Variants in TAX1BP1 observed in about 807,000 individuals in gnomAD.
The protein encoded by TAX1BP1 is Tax1 binding protein 1.
In TAX1BP1, 62 loss-of-function variants were observed where a neutral mutation model predicts 97.7. That is an observed-to-expected ratio of 0.63 (90% CI 0.52 to 0.78). The LOEUF is 0.78. Ranked by LOEUF, TAX1BP1 falls within the 30% of genes least tolerant of loss-of-function variation. The probability of loss-of-function intolerance (pLI) is 0.00; values close to 1 mark genes in which losing one functional copy is unlikely to be tolerated. For missense variants in TAX1BP1, 867 were observed against 916.1 expected, an observed-to-expected ratio of 0.95 and a Z score of 0.69; for synonymous variants, 340 against 304.2, an observed-to-expected ratio of 1.12 and a Z score of -1.23.
chr7:27,767,120 ATATCTT>A (rs1788675360), intron 4 of TAX1BP1, among the ~76,000 whole-genome samples: 1 of 152,132 alleles, frequency 6.6e-6, no homozygotes, highest in Non-Finnish European at 1.5e-5. Context: ...ACATTTTTCA[ATATCTT>A]TATCCTATAC....
rs1782594701 is a variant in TAX1BP1, at chr7:27,829,011, A to G, written c.*182A>G. ...ATCAGGGTCAGTCTTTGGCTTATCAATAAATTTTAATCTCTGTTAATCTTA... is the reference window on the plus strand; with the variant it reads ...ATCAGGGTCAGTCTTTGGCTTATCAGTAAATTTTAATCTCTGTTAATCTTA... On this transcript the variant is annotated 3_prime_UTR_variant, in exon 17 of 17. Coordinates refer to ENST00000396319, the MANE Select transcript of TAX1BP1 (RefSeq NM_006024.7). 1.7e-5 allele frequency: 8 copies of G among 484,330 alleles called. No homozygotes were observed. Among genetic ancestry groups the G allele is most frequent in the Non-Finnish European group, 1.8e-5 (5 of 278,786 alleles). The allele number at this position is 484,330 out of a possible 1,614,324, so 30.0% of individuals were successfully genotyped here. A position where few individuals can be genotyped will look rare whatever the true frequency, so the allele number is the denominator to read the frequency against.
chr7:27,769,715 T>A lies in TAX1BP1; in HGVS notation c.493T>A (p.Leu165Ile). Residue 165 changes from leucine (L) to isoleucine (I), a missense_variant, in exon 5 of 17, where the codon TTA becomes ATA. Transcript: ENST00000396319. ...AACCATGAAAGAAAAAGAAGAACTG[T>A]TAAAGTTAATTGCCGTTCTGGAAAA... Reference protein sequence around the residue: ...EKTMKEKEELLKLIAVLEKET... With the variant: ...EKTMKEKEELIKLIAVLEKET... 11 of 1,611,900 alleles carry A rather than the reference T, an allele frequency of 6.8e-6. No individual in the cohort carries two copies. Among genetic ancestry groups the A allele is most frequent in the Non-Finnish European group, 9.3e-6 (11 of 1,178,912 alleles).
intron 1 of TAX1BP1, among the ~76,000 whole-genome samples, chr7:27,745,492 G>T (rs1202373624): frequency 6.6e-6 from 1 of 152,132 alleles, no homozygotes; most frequent in Non-Finnish European, 1.5e-5. Flanking sequence ...TAAATGATTA[G>T]TAGCTATATT....
chr7:27,793,762 G>A (rs918932450), intron 10 of TAX1BP1, among the ~76,000 whole-genome samples: 4 of 152,304 alleles, frequency 2.6e-5, no homozygotes, highest in Middle Eastern at 6.8e-3. Flanking sequence ...ATGTTTCAAT[G>A]TGGGTCCTTA....
intron 3 of TAX1BP1, among the ~76,000 whole-genome samples, chr7:27,764,804 C>T (rs530755672): frequency 1.3e-5 from 2 of 151,484 alleles, no homozygotes; most frequent in Admixed American, 1.3e-4. Flanking sequence ...TCATTAATTT[C>T]TTCTGTGAAA....
intron 5 of TAX1BP1, among the ~76,000 whole-genome samples, chr7:27,770,120 A>AT (rs915398731): frequency 3.9e-5 from 6 of 151,920 alleles, no homozygotes; most frequent in Non-Finnish European, 7.4e-5. Flanking sequence ...AGAATACTTG[A>AT]TTTTTTTTGT....
intron 1 of TAX1BP1, among the ~76,000 whole-genome samples, chr7:27,741,436 T>C (rs1787595715): frequency 6.6e-6 from 1 of 152,238 alleles, no homozygotes; most frequent in Non-Finnish European, 1.5e-5. Flanking sequence ...GTTTTATTTA[T>C]TTTTCAAACT....
chr7:27,780,164 G>A (rs1789197374), intron 5 of TAX1BP1, among the ~76,000 whole-genome samples: 1 of 152,048 alleles, frequency 6.6e-6, no homozygotes, highest in South Asian at 2.1e-4. Flanking sequence ...ATGAGATCTG[G>A]AAGTTATCTT....
chr7:27,751,294 A>T (rs1159527364), intron 2 of TAX1BP1, among the ~76,000 whole-genome samples: 3 of 152,230 alleles, frequency 2.0e-5, no homozygotes, highest in Non-Finnish European at 4.4e-5. Context: ...TTCAGGTAAT[A>T]CAGGAAGGCT....
intron 13 of TAX1BP1, among the ~76,000 whole-genome samples, chr7:27,806,663 T>G (rs189904747): frequency 2.0e-5 from 3 of 152,300 alleles, no homozygotes; most frequent in Admixed American, 2.0e-4. Context: ...AACTTTGTAG[T>G]CTATTTTAAT....
chr7:27,744,456 A>T (rs1189744907), intron 1 of TAX1BP1, among the ~76,000 whole-genome samples: 1 of 152,256 alleles, frequency 6.6e-6, no homozygotes, highest in Non-Finnish European at 1.5e-5. Context: ...TAAAGACTAG[A>T]AAAACACAGA....
chr7:27,825,381 C>G (rs1791139624), intron 15 of TAX1BP1, among the ~76,000 whole-genome samples: 1 of 152,084 alleles, frequency 6.6e-6, no homozygotes. Context: ...GAAGATTTCA[C>G]TCATCATTTT....
Position 27,787,322 on chromosome 7 carries a change from G to A in TAX1BP1, c.853-96G>A, listed in dbSNP as rs540851735. The stretch of plus-strand genomic sequence containing the variant: ...GTCTAGTATGTCTTTCCTTCCTTTC[G>A]TTGTCTTTGGGTTAGAAATATAATG... On this transcript the variant is annotated intron_variant, in intron 7 of 16. Transcript: ENST00000396319. The A allele has an allele frequency of 2.9e-4, 333 of 1,140,492 alleles. 1 individual carries two copies. In the East Asian group the frequency reaches 7.2e-3, roughly 25 times the overall value. 70.6% of individuals were successfully genotyped at this position (1,140,492 alleles called of 1,614,324 possible). A position where few individuals can be genotyped will look rare whatever the true frequency, so the allele number is the denominator to read the frequency against.
chr7:27,827,181 G>T (rs952803301), intron 15 of TAX1BP1, among the ~76,000 whole-genome samples: 1 of 152,040 alleles, frequency 6.6e-6, no homozygotes, highest in Non-Finnish European at 1.5e-5. Context: ...GTGAAACCCT[G>T]TCTCTACTAA....
intron 13 of TAX1BP1, among the ~76,000 whole-genome samples, chr7:27,805,696 G>C (rs1200792581): frequency 6.6e-6 from 1 of 152,064 alleles, no homozygotes; most frequent in Admixed American, 6.6e-5. Flanking sequence ...AATTAGCCAG[G>C]CATGGTGGCT....
intron 5 of TAX1BP1, chr7:27,772,154 T>TG (rs1324068902): frequency 6.6e-6 from 1 of 150,800 alleles, no homozygotes; most frequent in Non-Finnish European, 1.5e-5. Context: ...GACTTTTAGT[T>TG]TTTTTTTTTT....
At chr7:27,751,349 C>G (rs1261200278) in intron 2 of TAX1BP1, among the ~76,000 whole-genome samples, 1 of 152,072 alleles carries the variant, frequency 6.6e-6, no homozygotes, top group African/African-American at 2.4e-5. Flanking sequence ...CTACTGTTAA[C>G]TATTGTTAAC....
At chr7:27,815,461 T>A (rs1205701770) in intron 13 of TAX1BP1, among the ~76,000 whole-genome samples, 1 of 152,170 alleles carries the variant, frequency 6.6e-6, no homozygotes, top group Non-Finnish European at 1.5e-5. Context: ...CTGCATTTGG[T>A]TTTTGGATGT....
intron 15 of TAX1BP1, among the ~76,000 whole-genome samples, chr7:27,821,357 A>G (rs1790965413): frequency 6.6e-6 from 1 of 152,166 alleles, no homozygotes; most frequent in Admixed American, 6.5e-5. Context: ...TGGGCTGGGC[A>G]TGGTGGCTCA....
Sources: gnomAD v4.1 joint callset for allele counts (sites outside exome capture counted in the v4.1 genomes callset) on GRCh38, gnomAD v4.1.1 for gene constraint, MANE v1.5 for transcripts, NCBI Gene and HGNC (gene_info 2026-07-23, HGNC 2026-07-21) for gene names.